Variants in DNAJC5B observed in about 807,000 individuals in gnomAD.
The protein encoded by DNAJC5B is dnaJ homolog subfamily C member 5B.
DNAJC5B carries 23 observed loss-of-function variants against 24.7 expected under a neutral mutation model. The ratio of observed to expected loss-of-function variants is 0.93; its 90% CI spans 0.67 to 1.32. The LOEUF is 1.32. Ranked by LOEUF, DNAJC5B falls within the 40% of genes most tolerant of loss-of-function variation. The probability of loss-of-function intolerance (pLI) is 0.00; values close to 1 mark genes in which losing one functional copy is unlikely to be tolerated. For missense variants in DNAJC5B, 238 were observed against 240.8 expected (o/e 0.99, Z 0.08); for synonymous variants, 101 against 90.1 (o/e 1.12, Z -0.68).
chr8:66,065,857 C>T (rs1010652422), intron 3 of DNAJC5B, among the ~76,000 whole-genome samples: 2 of 152,022 alleles, frequency 1.3e-5, no homozygotes, highest in Non-Finnish European at 1.5e-5. Flanking sequence ...AAAAGAGGGG[C>T]TTACGGGTCT....
chr8:66,090,251 ATGTG>A (rs147978582), intron 5 of DNAJC5B, among the ~76,000 whole-genome samples: 12,117 of 145,370 alleles, frequency 0.083, 794 homozygotes, highest in African/African-American at 0.18. Flanking sequence ...GCGTGCAGGC[ATGTG>A]TGTGTGTGTG....
chr8:66,077,510 A>G (rs1807494086), intron 4 of DNAJC5B, among the ~76,000 whole-genome samples: 1 of 152,062 alleles, frequency 6.6e-6, no homozygotes, highest in African/African-American at 2.4e-5. Flanking sequence ...TTTCCTAGGA[A>G]TCTCTAGTAT....
At chr8:66,079,347 C>A (rs940814604) in intron 4 of DNAJC5B, among the ~76,000 whole-genome samples, 8 of 152,064 alleles carry the variant, frequency 5.3e-5, no homozygotes, top group African/African-American at 1.4e-4. Flanking sequence ...ACAGTCTAGT[C>A]CAAACTGATC....
At chr8:66,075,261 C>G (rs975577048) in intron 3 of DNAJC5B, among the ~76,000 whole-genome samples, 58 of 152,128 alleles carry the variant, frequency 3.8e-4, no homozygotes, top group African/African-American at 1.4e-3. Context: ...GTTGACGAGG[C>G]TGGTCTAAAA....
chr8:66,077,320 T>C (rs1477388301), intron 4 of DNAJC5B, among the ~76,000 whole-genome samples: 2 of 152,138 alleles, frequency 1.3e-5, no homozygotes, highest in Admixed American at 6.6e-5. Flanking sequence ...TGGAGCCTGC[T>C]GTGAGGTAGA....
In DNAJC5B at chr8:66,080,381, T is replaced by G. The variant is rs1807565021; in HGVS notation, c.338T>G (p.Leu113Arg). The change falls in exon 5 of 6, where the codon CTG becomes CGG. Residue 113 changes from leucine (L) to arginine (R), a missense_variant. By Grantham distance (102) the Leu-to-Arg change is moderately radical. Transcript: ENST00000276570. ...FMLSSWWAKALFVIVGLLTGC... is the reference protein window; with the variant it reads ...FMLSSWWAKARFVIVGLLTGC... ...GCTTTACCTCTGTTTCCCTAGGCCC[T>G]GTTTGTCATCGTTGGCCTCTTGACG... 6.2e-7 allele frequency: 1 copy of G among 1,611,980 alleles called. No homozygotes were observed. The highest frequency in any genetic ancestry group is 8.5e-7 in the Non-Finnish European group (1 of 1,179,096).
At chr8:66,062,782 A>G (rs1339626950) in intron 3 of DNAJC5B, among the ~76,000 whole-genome samples, 1 of 151,924 alleles carries the variant, frequency 6.6e-6, no homozygotes, top group East Asian at 1.9e-4. Flanking sequence ...AGCTATAATC[A>G]TGCCACTGCA....
Position 66,100,016 on chromosome 8 carries a change from T to C in DNAJC5B, c.585T>C (p.Tyr195=). ...TQLIKEGSRS[Y]CTDS ...TAATCAAAGAAGGATCTCGAAGTTATTGCACAGACTCTTGATATTGAGCCC... is the reference window on the plus strand; with the variant it reads ...TAATCAAAGAAGGATCTCGAAGTTACTGCACAGACTCTTGATATTGAGCCC... Residue 195 remains tyrosine (Y), a synonymous_variant, in exon 6 of 6, where the codon TAT becomes TAC. Coordinates refer to ENST00000276570, the MANE Select transcript of DNAJC5B (RefSeq NM_033105.6). 6.2e-7 allele frequency: 1 copy of C among 1,613,950 alleles called. No individual in the cohort carries two copies.
upstream of DNAJC5B, among the ~76,000 whole-genome samples, chr8:66,017,428 C>T (rs1805984458): frequency 6.6e-6 from 1 of 152,186 alleles, no homozygotes; most frequent in Admixed American, 6.5e-5. Flanking sequence ...TAGCTACAAA[C>T]ATTAGCAATA....
At chr8:66,034,988 A>C (rs1438065984) in intron 1 of DNAJC5B, among the ~76,000 whole-genome samples, 1 of 152,250 alleles carries the variant, frequency 6.6e-6, no homozygotes, top group African/African-American at 2.4e-5. Flanking sequence ...ATATGCATTA[A>C]AAACTGTGCT....
At chr8:66,062,358 G>A (rs1807102096) in intron 3 of DNAJC5B, among the ~76,000 whole-genome samples, 1 of 152,180 alleles carries the variant, frequency 6.6e-6, no homozygotes, top group South Asian at 2.1e-4. Flanking sequence ...GGGATCCAGA[G>A]CATTTTGTAT....
chr8:66,075,105 C>T (rs752437262), intron 3 of DNAJC5B, among the ~76,000 whole-genome samples: 20 of 152,192 alleles, frequency 1.3e-4, no homozygotes, highest in East Asian at 1.2e-3. Flanking sequence ...GTCTCGCTGT[C>T]GCCCAGGCTG....
At chr8:66,096,315 C>A (rs906962192) in intron 5 of DNAJC5B, among the ~76,000 whole-genome samples, 1 of 152,148 alleles carries the variant, frequency 6.6e-6, no homozygotes, top group African/African-American at 2.4e-5. Context: ...AAGACCCTAT[C>A]TCCAAATATG....
intron 3 of DNAJC5B, among the ~76,000 whole-genome samples, chr8:66,073,507 GTA>G (rs1807395933): frequency 6.7e-6 from 1 of 149,944 alleles, no homozygotes; most frequent in East Asian, 2.0e-4. Flanking sequence ...GTGTGTGTGT[GTA>G]TGTGTGTGTG....
At position 66,100,090 on chromosome 8, in the gene DNAJC5B, G is replaced by A; in HGVS notation, c.*59G>A. The A allele has an allele frequency of 6.8e-7, 1 of 1,474,360 alleles. No homozygotes were observed. Among genetic ancestry groups the A allele is most frequent in the Admixed American group, 1.9e-5 (1 of 53,702 alleles). 91.3% of individuals were successfully genotyped at this position (1,474,360 alleles called of 1,614,324 possible). ...CTCAGTTCAGTCTTGTCTCCAGATG[G>A]TCGTAGGGGAGCGTGTGGGGCATAA... On this transcript the variant is annotated 3_prime_UTR_variant, in exon 6 of 6. Coordinates refer to ENST00000276570, the MANE Select transcript of DNAJC5B (RefSeq NM_033105.6).
chr8:66,063,957 C>T (rs1307110581), intron 3 of DNAJC5B, among the ~76,000 whole-genome samples: 1 of 152,064 alleles, frequency 6.6e-6, no homozygotes, highest in Non-Finnish European at 1.5e-5. Flanking sequence ...CAATCTTCTC[C>T]AGCAATGCTG....
chr8:66,061,031 T>C (rs1408252652), intron 3 of DNAJC5B, among the ~76,000 whole-genome samples: 1 of 152,132 alleles, frequency 6.6e-6, no homozygotes, highest in African/African-American at 2.4e-5. Context: ...GGTAGGAGTA[T>C]GCTGGAAGTT....
At chr8:66,047,689 A>G (rs1586078685) in intron 2 of DNAJC5B, among the ~76,000 whole-genome samples, 1 of 152,280 alleles carries the variant, frequency 6.6e-6, no homozygotes, top group East Asian at 1.9e-4. Flanking sequence ...ACAGCTCTTA[A>G]GACTTTTATG....
intron 3 of DNAJC5B, among the ~76,000 whole-genome samples, chr8:66,065,603 T>C (rs912706694): frequency 5.3e-5 from 8 of 152,138 alleles, no homozygotes; most frequent in African/African-American, 1.9e-4. Context: ...GGAGGGCAGT[T>C]GTACTAGGTG....
Sources: gnomAD v4.1 joint callset for allele counts (sites outside exome capture counted in the v4.1 genomes callset) on GRCh38, gnomAD v4.1.1 for gene constraint, MANE v1.5 for transcripts, NCBI Gene and HGNC (gene_info 2026-07-23, HGNC 2026-07-21) for gene names.